Variants in DAPK2 observed in about 807,000 individuals in gnomAD.
DAPK2 encodes the protein death associated protein kinase 2.
In DAPK2, 35 loss-of-function variants were observed where a neutral mutation model predicts 44.1. The observed-to-expected ratio is 0.79, with a 90% CI of 0.61 to 1.05. The LOEUF is 1.05. Among genes scored for constraint, DAPK2 ranks in the 50% least tolerant of loss-of-function variants. The pLI, the probability that DAPK2 is intolerant of heterozygous loss-of-function variation, is 0.00. For missense variants in DAPK2, 453 were observed against 483.2 expected, an observed-to-expected ratio of 0.94 and a Z score of 0.59; for synonymous variants, 174 against 182.6, an observed-to-expected ratio of 0.95 and a Z score of 0.38.
intron 8 of DAPK2, chr15:63,919,776 A>G (rs748910272): frequency 6.6e-6 from 1 of 152,250 alleles, no homozygotes; most frequent in Non-Finnish European, 1.5e-5. Flanking sequence ...ATGAGCCACC[A>G]CACTGGGCCT....
chr15:63,940,161 G>A (rs758519412), intron 3 of DAPK2, among the ~76,000 whole-genome samples: 1 of 152,078 alleles, frequency 6.6e-6, no homozygotes, highest in East Asian at 1.9e-4. Flanking sequence ...CTCAGACTAC[G>A]GTCCCCTCTG....
At chr15:63,925,678 G>GCGAGCA (rs1352051474) in intron 7 of DAPK2, among the ~76,000 whole-genome samples, 1 of 138,446 alleles carries the variant, frequency 7.2e-6, no homozygotes, top group Non-Finnish European at 1.5e-5. Context: ...GACTTGTAGC[G>GCGAGCA]CACACACACA....
chr15:63,944,200 G>A (rs1001714388), intron 3 of DAPK2, among the ~76,000 whole-genome samples: 32 of 152,142 alleles, frequency 2.1e-4, no homozygotes, highest in Admixed American at 5.2e-4. Context: ...TGGCCGTGGG[G>A]CAGTAGGAAT....
intron 1 of DAPK2, among the ~76,000 whole-genome samples, chr15:64,012,341 C>T (rs1479115363): frequency 6.6e-6 from 1 of 152,216 alleles, no homozygotes; most frequent in African/African-American, 2.4e-5. Flanking sequence ...ACTAACAATT[C>T]CATTTTCCAG....
At chr15:64,000,186 TACAC>T (rs3056828) in intron 1 of DAPK2, among the ~76,000 whole-genome samples, 14,383 of 147,810 alleles carry the variant, frequency 0.097, 868 homozygotes, top group South Asian at 0.31. Flanking sequence ...CTACTACTAC[TACAC>T]ACACACACAC....
chr15:64,040,959 C>T (rs2141216416), upstream of DAPK2, among the ~76,000 whole-genome samples: 1 of 151,144 alleles, frequency 6.6e-6, no homozygotes, highest in East Asian at 1.9e-4. Flanking sequence ...GTACAAGCCC[C>T]AGTCTTGCTT....
At chr15:63,930,058 G>A (rs1301975100) in intron 5 of DAPK2, among the ~76,000 whole-genome samples, 2 of 152,248 alleles carry the variant, frequency 1.3e-5, no homozygotes. Context: ...TGGACTTTCA[G>A]TGATGACTTG....
rs898676972 is a variant in DAPK2, at chr15:63,997,538, C to T, written c.93-13784G>A. On this transcript the variant is annotated intron_variant, in intron 1 of 10. Coordinates refer to ENST00000261891, the Ensembl canonical transcript of DAPK2. ...TAGACATGCGGTTTCACAATGTTGG[C>T]CAGTCTGGTCTCGAACTCCTGACTT... 2.0e-5 allele frequency among the ~76,000 whole-genome samples: 3 copies of T among 152,194 alleles called. No individual in the cohort carries two copies. The East Asian group carries it at 5.8e-4, about 29-fold the overall frequency.
intron 3 of DAPK2, among the ~76,000 whole-genome samples, chr15:63,943,672 A>G (rs1028772801): frequency 4.6e-5 from 7 of 151,910 alleles, no homozygotes; most frequent in African/African-American, 1.7e-4. Context: ...CAGGAGTTCA[A>G]GACCAGCCTG....
intron 3 of DAPK2, among the ~76,000 whole-genome samples, chr15:63,957,361 T>A (rs919206472): frequency 6.6e-6 from 1 of 151,540 alleles, no homozygotes; most frequent in African/African-American, 2.4e-5. Flanking sequence ...TGGTTTTTTC[T>A]TTATTATTAT....
chr15:63,925,190 C>A (rs2079206398), intron 7 of DAPK2, among the ~76,000 whole-genome samples: 1 of 152,124 alleles, frequency 6.6e-6, no homozygotes, highest in Non-Finnish European at 1.5e-5. Context: ...TTGCTAAATC[C>A]CTGGTCTGTT....
intron 4 of DAPK2, chr15:63,935,784 T>A (rs1448812446): frequency 6.6e-6 from 1 of 152,214 alleles, no homozygotes; most frequent in Non-Finnish European, 1.5e-5. Context: ...CTTTTTATCC[T>A]CTTTTGCTTA....
intron 2 of DAPK2, among the ~76,000 whole-genome samples, chr15:63,982,468 A>C (rs527781863): frequency 6.6e-6 from 1 of 151,968 alleles, no homozygotes. Flanking sequence ...GATTACAGGC[A>C]TGAGCCACTG....
chr15:63,925,848 T>A (rs1202881476), intron 7 of DAPK2, 93 bp downstream of exon 8: 116 of 1,506,612 alleles, frequency 7.7e-5, no homozygotes, highest in Non-Finnish European at 2.8e-5. Flanking sequence ...AGATGACAGC[T>A]ATGTCAAAGT....
chr15:64,005,518 G>A lies in DAPK2; in HGVS notation c.93-21764C>T, dbSNP rs559747564. Among the ~76,000 whole-genome samples, 157 of 152,048 alleles carry A rather than the reference G, an allele frequency of 1.0e-3. 1 individual carries two copies. Among genetic ancestry groups the A allele is most frequent in the African/African-American group, 3.6e-3 (150 of 41,436 alleles). ...GGGAATGTCTGAAGCAACTCAGAGG[G>A]TGGGAGGACAGCCATGTGCCCTCCC... On this transcript the variant is annotated intron_variant, in intron 1 of 10. Coordinates refer to ENST00000261891, the Ensembl canonical transcript of DAPK2.
intron 2 of DAPK2, among the ~76,000 whole-genome samples, chr15:63,975,800 TA>T (rs2078330105): frequency 2.0e-5 from 3 of 152,142 alleles, no homozygotes; most frequent in African/African-American, 7.2e-5. Context: ...GGTTTCACCA[TA>T]TTGGCCAAGC....
chr15:64,019,560 C>T (rs1275551681), intron 1 of DAPK2, among the ~76,000 whole-genome samples: 1 of 152,178 alleles, frequency 6.6e-6, no homozygotes, highest in Non-Finnish European at 1.5e-5. Context: ...GTAATATGTG[C>T]TCATTGTAGA....
chr15:63,926,185 C>T (rs1255749618), intron 6 of DAPK2, 92 bp from the exon 8 acceptor site: 1 of 1,451,290 alleles, frequency 6.9e-7, no homozygotes, highest in Non-Finnish European at 9.3e-7. Context: ...ATGACTGCTG[C>T]AGGGAGCTGG....
intron 3 of DAPK2, among the ~76,000 whole-genome samples, chr15:63,963,731 T>C (rs1477703170): frequency 6.6e-6 from 1 of 152,208 alleles, no homozygotes; most frequent in East Asian, 1.9e-4. Flanking sequence ...GGTTTTTTGA[T>C]TTGAGGTTAC....
Sources: gnomAD v4.1 joint callset for allele counts (sites outside exome capture counted in the v4.1 genomes callset) on GRCh38, gnomAD v4.1.1 for gene constraint, MANE v1.5 for transcripts, NCBI Gene and HGNC (gene_info 2026-07-23, HGNC 2026-07-21) for gene names.